Variants in GAPVD1 observed in about 807,000 individuals in gnomAD.
GAPVD1 encodes GTPase-activating protein and VPS9 domain-containing protein 1.
GAPVD1 carries 35 observed loss-of-function variants against 155.5 expected under a neutral mutation model. The observed-to-expected ratio is 0.23, with a 90% CI of 0.17 to 0.30. GAPVD1 has a LOEUF of 0.30. GAPVD1 is among the 10% of genes least tolerant of loss of function. GAPVD1 has a pLI of 1.00. For missense variants in GAPVD1, 1,429 were observed against 1,775.7 expected (o/e 0.80, Z 3.51); for synonymous variants, 636 against 619.7 (o/e 1.03, Z -0.39).
chr9:125,333,568 A>C (rs1361035040), intron 15 of GAPVD1, among the ~76,000 whole-genome samples: 1 of 140,996 alleles, frequency 7.1e-6, no homozygotes, highest in African/African-American at 2.7e-5. Context: ...GGCTCACCAC[A>C]ACCTCTGTCT....
chr9:125,360,604 A>G lies in GAPVD1; in HGVS notation c.4121A>G (p.Asp1374Gly). Residue 1374 changes from aspartate to glycine, a missense_variant, in exon 27 of 28, where the codon GAC becomes GGC. By Grantham distance (94) the Asp-to-Gly change is moderately conservative. Coordinates refer to ENST00000297933, the MANE Select transcript of GAPVD1 (RefSeq NM_001282680.3). ...RTISAYKTPR[D>G]KVQCILRMCS... ...ATAAGTGCTTATAAAACCCCCCGGG[A>G]CAAAGTGCAGTGCATCCTGAGAATG... 1 of 1,614,000 alleles carries G rather than the reference A, an allele frequency of 6.2e-7. No homozygotes were observed. The highest frequency in any genetic ancestry group is 8.5e-7 in the Non-Finnish European group (1 of 1,179,878).
intron 1 of GAPVD1, among the ~76,000 whole-genome samples, chr9:125,268,671 T>C (rs781278001): frequency 1.3e-5 from 2 of 151,996 alleles, no homozygotes; most frequent in Non-Finnish European, 2.9e-5. Context: ...GGCTAACTTG[T>C]ATTTTGTATT....
In GAPVD1 at chr9:125,341,402, G is replaced by A. The variant is rs1258617078; in HGVS notation, c.2965+138G>A. On this transcript the variant is annotated intron_variant, in intron 18 of 27. Transcript: ENST00000297933. ...TCTAGCTACTTTGAGGGTGTAGAAA[G>A]TGGTTCCACTCAGATGAATGCTAAG... 3 of 586,316 alleles carry A rather than the reference G, an allele frequency of 5.1e-6. No individual in the cohort carries two copies. The African/African-American group carries it at 5.7e-5, about 11-fold the overall frequency. The allele number at this position is 586,316 out of a possible 1,614,324, so 36.3% of individuals were successfully genotyped here.
intron 2 of GAPVD1, among the ~76,000 whole-genome samples, chr9:125,276,631 G>A (rs1835836701): frequency 6.6e-6 from 1 of 152,206 alleles, no homozygotes; most frequent in African/African-American, 2.4e-5. Flanking sequence ...GGAGGTTGCA[G>A]TGAGCCGAGA....
chr9:125,311,792 C>T (rs999891517), intron 8 of GAPVD1, among the ~76,000 whole-genome samples: 10 of 151,684 alleles, frequency 6.6e-5, no homozygotes, highest in Non-Finnish European at 1.5e-5. Context: ...CAAACTTGGC[C>T]CACTTCAGTC....
chr9:125,306,142 A>G (rs1841756510), intron 6 of GAPVD1, among the ~76,000 whole-genome samples: 1 of 151,966 alleles, frequency 6.6e-6, no homozygotes, highest in Admixed American at 6.6e-5. Flanking sequence ...CTGCCCCCAC[A>G]AAACATTCTT....
intron 27 of GAPVD1, among the ~76,000 whole-genome samples, chr9:125,361,160 C>A (rs747288245): frequency 6.6e-6 from 1 of 152,084 alleles, no homozygotes; most frequent in Non-Finnish European, 1.5e-5. Flanking sequence ...TGAGCCACCG[C>A]GCCCAGCCAA....
At chr9:125,336,276 A>G (rs80185154) in intron 15 of GAPVD1, among the ~76,000 whole-genome samples, 2,967 of 143,068 alleles carry the variant, frequency 0.021, 75 homozygotes, top group African/African-American at 0.073. Context: ...TTATCAAAAG[A>G]TATAGCTTGA....
intron 3 of GAPVD1, among the ~76,000 whole-genome samples, chr9:125,297,871 G>C (rs1439804464): frequency 6.6e-6 from 1 of 152,054 alleles, no homozygotes. Flanking sequence ...TCAGCCTCCC[G>C]AGTAGCTAGG....
chr9:125,298,507 T>TTTTTTG (rs1840249422), intron 3 of GAPVD1, among the ~76,000 whole-genome samples: 1 of 135,524 alleles, frequency 7.4e-6, no homozygotes, highest in African/African-American at 2.8e-5. Context: ...TTTTTTTTTT[T>TTTTTTG]GAGAACGATT....
Position 125,336,756 on chromosome 9 carries a change from T to C in GAPVD1, c.2429-262T>C, listed in dbSNP as rs556595987. Reference sequence around the variant, plus strand: ...GGCTTTGTTCTCTTTGCATGAACCATACTAGCATTTGGCCATTAGAAGTAA... The same window carrying C: ...GGCTTTGTTCTCTTTGCATGAACCACACTAGCATTTGGCCATTAGAAGTAA... On this transcript the variant is annotated intron_variant, in intron 15 of 27. Transcript: ENST00000297933. The C allele has an allele frequency of 6.9e-6, 3 of 435,792 alleles. No homozygotes were observed. The East Asian group carries it at 1.3e-4, about 19-fold the overall frequency. The allele number at this position is 435,792 out of a possible 1,614,324, so 27.0% of individuals were successfully genotyped here. A position where few individuals can be genotyped will look rare whatever the true frequency, so the allele number is the denominator to read the frequency against.
chr9:125,291,876 C>A (rs1459507979), intron 2 of GAPVD1, among the ~76,000 whole-genome samples: 2 of 151,984 alleles, frequency 1.3e-5, no homozygotes, highest in Non-Finnish European at 2.9e-5. Flanking sequence ...AACTTGTGTT[C>A]CAGGAGCCAC....
At chr9:125,280,452 A>C (rs905574181) in intron 2 of GAPVD1, among the ~76,000 whole-genome samples, 1 of 149,850 alleles carries the variant, frequency 6.7e-6, no homozygotes, top group Non-Finnish European at 1.5e-5. Context: ...AAAAGCCCGT[A>C]GTTGGTGTCT....
intron 18 of GAPVD1, 149 bp from the exon 19 acceptor site, chr9:125,342,070 A>G (rs933360427): frequency 7.0e-6 from 4 of 575,384 alleles, no homozygotes; most frequent in African/African-American, 5.7e-5. Flanking sequence ...CTTCATTACT[A>G]TTTTAAGGAC....
chr9:125,321,421 T>C lies in GAPVD1; in HGVS notation c.1603-12T>C. The C allele has an allele frequency of 6.2e-7, 1 of 1,604,452 alleles. No individual in the cohort carries two copies. ...TCCATTGATAAACCAAAATTGACAT[T>C]TTATTTTTTAGGTCCTAAACATGCA... On this transcript the variant is annotated splice_polypyrimidine_tract_variant and intron_variant, in intron 9 of 27. Transcript: ENST00000297933.
intron 13 of GAPVD1, among the ~76,000 whole-genome samples, chr9:125,331,699 A>G (rs1221684606): frequency 1.3e-5 from 2 of 152,254 alleles, no homozygotes; most frequent in Non-Finnish European, 2.9e-5. Context: ...TTAGTGATCT[A>G]GAACCACGTT....
chr9:125,287,841 A>G (rs1837952669), intron 2 of GAPVD1: 1 of 152,132 alleles, frequency 6.6e-6, no homozygotes, highest in African/African-American at 2.4e-5. Flanking sequence ...CCCAGGTTCA[A>G]ACAATTCTCC....
intron 2 of GAPVD1, among the ~76,000 whole-genome samples, chr9:125,294,454 C>T (rs1396645382): frequency 6.7e-6 from 1 of 149,364 alleles, no homozygotes; most frequent in Non-Finnish European, 1.5e-5. Context: ...TTGAGCAATT[C>T]TTCTGCCTCA....
At chr9:125,338,935 G>GTGTA (rs1847431980) in intron 17 of GAPVD1, among the ~76,000 whole-genome samples, 1 of 146,124 alleles carries the variant, frequency 6.8e-6, no homozygotes, top group Admixed American at 6.8e-5. Context: ...AAATTTGTGT[G>GTGTA]TGTGTGTGTG....
Sources: gnomAD v4.1 joint callset for allele counts (sites outside exome capture counted in the v4.1 genomes callset) on GRCh38, gnomAD v4.1.1 for gene constraint, MANE v1.5 for transcripts, NCBI Gene and HGNC (gene_info 2026-07-23, HGNC 2026-07-21) for gene names.